KNTC1: variants seen among roughly 807,000 people sequenced by gnomAD.
The protein encoded by KNTC1 is kinetochore associated 1.
KNTC1 carries 253 observed loss-of-function variants against 314.4 expected under a neutral mutation model. That is an observed-to-expected ratio of 0.80 (90% CI 0.73 to 0.89). The LOEUF is 0.89. Ranked by LOEUF, KNTC1 falls within the 40% of genes least tolerant of loss-of-function variation. KNTC1 has a pLI of 0.00. For synonymous variants in KNTC1, 901 were observed against 901.4 expected (o/e 1.00, Z 0.01); for missense variants, 2,475 against 2,572.9 (o/e 0.96, Z 0.82).
At position 122,580,603 on chromosome 12, in the gene KNTC1, A is replaced by G. The variant is rs748702894; in HGVS notation, c.2915A>G (p.Asp972Gly). ...ILKILCDIQK[D>G]NLQKKDECEE... ...ATAACTTTTAAAAATTTAATTACAG[A>G]CAATCTGCAGAAGAAGGACGAATGT... is the stretch of plus-strand genomic sequence containing the variant. The change falls in exon 33 of 64, where the codon GAC (aspartate) becomes GGC (glycine). Residue 972 changes from aspartate (D) to glycine (G), a missense_variant and splice_region_variant. Coordinates refer to ENST00000333479, the MANE Select transcript of KNTC1 (RefSeq NM_014708.6). The G allele has an allele frequency of 1.9e-6, 3 of 1,549,852 alleles. No homozygotes were observed. The highest frequency in any genetic ancestry group is 1.4e-5 in the African/African-American group (1 of 73,352).
Position 122,594,342 on chromosome 12 carries a change from G to C in KNTC1, c.4312G>C (p.Glu1438Gln). 1 of 1,608,962 alleles carries C rather than the reference G, an allele frequency of 6.2e-7. No individual in the cohort carries two copies. Among genetic ancestry groups the C allele is most frequent in the Non-Finnish European group, 8.5e-7 (1 of 1,175,692 alleles). Residue 1438 changes from glutamate to glutamine, a missense_variant, in exon 43 of 64, where the codon GAG (glutamate) becomes CAG (glutamine). Physicochemically the swap from Glu to Gln is conservative, Grantham distance 29 (BLOSUM62 2). Coordinates refer to ENST00000333479, the MANE Select transcript of KNTC1 (RefSeq NM_014708.6). The part of the protein sequence containing the change: ...TKKDLIKALV[E>Q]NIDMDTSLIL... ...GAAAGACCTCATTAAAGCTCTTGTG[G>C]AGAATATAGATATGGACACAAGCCT...
intron 16 of KNTC1, among the ~76,000 whole-genome samples, chr12:122,556,567 G>A (rs922467565): frequency 3.5e-5 from 5 of 144,116 alleles, no homozygotes; most frequent in African/African-American, 1.1e-4. Context: ...TCCGCCTCCC[G>A]GGTTCAAGGA....
At position 122,582,689 on chromosome 12, in the gene KNTC1, C is replaced by T. The variant is rs1565983200; in HGVS notation, c.2983-16C>T. The T allele has an allele frequency of 1.9e-6, 3 of 1,569,768 alleles. No individual in the cohort carries two copies. Among genetic ancestry groups the T allele is most frequent in the Non-Finnish European group, 1.7e-6 (2 of 1,156,584 alleles). On this transcript the variant is annotated splice_polypyrimidine_tract_variant and intron_variant, in intron 33 of 63. Transcript: ENST00000333479. ...TAAACAGACTTGGGACTTTGTCTTG[C>T]TTACCTTTGCTACAGGAGAACTTTG...
chr12:122,586,422 G>A lies in KNTC1; in HGVS notation c.3674-279G>A, dbSNP rs1869309345. Among the ~76,000 whole-genome samples the A allele has an allele frequency of 3.3e-5, 5 of 152,274 alleles. No homozygotes were observed. The South Asian group carries it at 8.3e-4, about 25-fold the overall frequency. ...GATCTGGATGCTGCTTCTTCAGTTT[G>A]TGGACGTTTATCAGGTTATACACTT... On this transcript the variant is annotated intron_variant, in intron 37 of 63. Transcript: ENST00000333479.
At chr12:122,573,410 G>A (rs1964822101) in intron 26 of KNTC1, 125 bp downstream of exon 26, 5 of 896,672 alleles carry the variant, frequency 5.6e-6, no homozygotes, top group Non-Finnish European at 8.4e-6. Context: ...ATATTGAATT[G>A]GTTAAAAATG....
chr12:122,600,899 C>A (rs1321914669), intron 44 of KNTC1, among the ~76,000 whole-genome samples: 1 of 152,060 alleles, frequency 6.6e-6, no homozygotes, highest in Non-Finnish European at 1.5e-5. Flanking sequence ...CTCTTGACCC[C>A]AGGTGATCCA....
Position 122,538,342 on chromosome 12 carries a change from C to T in KNTC1, c.254C>T (p.Thr85Ile). The T allele has an allele frequency of 6.4e-7, 1 of 1,565,730 alleles. No homozygotes were observed. The highest frequency in any genetic ancestry group is 8.7e-7 in the Non-Finnish European group (1 of 1,147,496). The stretch of plus-strand genomic sequence containing the variant: ...AACTTTGATTTGAAATTTTCAGATA[C>T]TGAAGTGGATGTAGTTGGCCTTTGT... The part of the protein sequence containing the change: ...RSLQLHLVFD[T>I]EVDVVGLCQE... The change falls in exon 4 of 64, where the codon ACT (threonine) becomes ATT (isoleucine). Residue 85 changes from threonine to isoleucine, a missense_variant. Coordinates refer to ENST00000333479, the MANE Select transcript of KNTC1 (RefSeq NM_014708.6).
In KNTC1 at chr12:122,577,605, G is replaced by A. The variant is rs1259772309; in HGVS notation, c.2722-67G>A. The A allele has an allele frequency of 3.5e-6, 5 of 1,413,038 alleles. No homozygotes were observed. The Admixed American group carries it at 1.0e-4, about 29-fold the overall frequency. 87.5% of individuals were successfully genotyped at this position (1,413,038 alleles called of 1,614,324 possible). A position where few individuals can be genotyped will look rare whatever the true frequency, so the allele number is the denominator to read the frequency against. ...TTTTCATCTTTAAATAGAAAAGAAA[G>A]AGGTAAGGCCACACCGTCCTTTGCA... On this transcript the variant is annotated intron_variant, in intron 30 of 63. Transcript: ENST00000333479.
At chr12:122,577,080 G>T in intron 30 of KNTC1, 51 bp downstream of exon 30, 1 of 1,395,976 alleles carries the variant, frequency 7.2e-7, no homozygotes, top group Admixed American at 3.0e-5. Context: ...TTTCTGTGTT[G>T]TTGTTGTTGT....
intron 16 of KNTC1, among the ~76,000 whole-genome samples, chr12:122,553,766 A>G (rs957876207): frequency 1.3e-5 from 2 of 152,090 alleles, no homozygotes; most frequent in Non-Finnish European, 2.9e-5. Context: ...GAAATAAGGG[A>G]GAAAAACTGT....
chr12:122,546,737 C>CT, intron 10 of KNTC1, 63 bp downstream of exon 10: 3 of 1,088,982 alleles, frequency 2.8e-6, no homozygotes, highest in Non-Finnish European at 4.1e-6. Context: ...AAATGTCAGA[C>CT]TTACAAAGGC....
At chr12:122,588,944 C>G (rs1869765925) in intron 40 of KNTC1, 128 bp downstream of exon 40, 2 of 501,356 alleles carry the variant, frequency 4.0e-6, no homozygotes, top group Non-Finnish European at 3.5e-6. Flanking sequence ...CTTCAAGAAA[C>G]TGTCTTATAG....
chr12:122,591,034 T>C (rs1303280799), intron 41 of KNTC1, among the ~76,000 whole-genome samples: 1 of 152,138 alleles, frequency 6.6e-6, no homozygotes, highest in East Asian at 1.9e-4. Flanking sequence ...CAGTTTGTTT[T>C]TGTAGGATAA....
chr12:122,597,206 C>CT (rs1871173652), intron 43 of KNTC1: 1 of 147,522 alleles, frequency 6.8e-6, no homozygotes, highest in Admixed American at 6.7e-5. Flanking sequence ...CTCCAATATT[C>CT]TAACAGTTTA....
At chr12:122,550,420 A>G (rs901271910) in intron 13 of KNTC1, among the ~76,000 whole-genome samples, 3 of 151,930 alleles carry the variant, frequency 2.0e-5, no homozygotes, top group Admixed American at 2.0e-4. Flanking sequence ...AATTTTACCA[A>G]TTGGGCCAAT....
intron 57 of KNTC1, among the ~76,000 whole-genome samples, chr12:122,616,480 C>G (rs995441939): frequency 6.6e-6 from 1 of 152,182 alleles, no homozygotes; most frequent in African/African-American, 2.4e-5. Flanking sequence ...CCAGGATGGT[C>G]TCGATCTCCT....
At chr12:122,575,368 C>T (rs894669389) in intron 27 of KNTC1, among the ~76,000 whole-genome samples, 175 bp from the exon 28 acceptor site, 7 of 152,280 alleles carry the variant, frequency 4.6e-5, no homozygotes, top group Admixed American at 4.6e-4. Context: ...TCTGAATAGT[C>T]AAATTGTTCT....
intron 44 of KNTC1, among the ~76,000 whole-genome samples, chr12:122,600,373 A>G (rs1177410732): frequency 6.6e-6 from 1 of 152,208 alleles, no homozygotes; most frequent in Admixed American, 6.5e-5. Context: ...TGTTGGGATT[A>G]CAGGCATGAG....
intron 19 of KNTC1, 125 bp downstream of exon 19, chr12:122,562,099 C>G: frequency 1.1e-6 from 1 of 899,770 alleles, no homozygotes; most frequent in South Asian, 1.6e-5. Flanking sequence ...TTCTTATCTG[C>G]AAAATGGTAA....
Sources: allele counts gnomAD v4.1 joint callset (sites outside exome capture counted in the v4.1 genomes callset), GRCh38; gene constraint gnomAD v4.1.1; transcripts MANE v1.5; gene names NCBI Gene and HGNC (gene_info 2026-07-23, HGNC 2026-07-21).